Variants in DTD1 observed in about 807,000 individuals in gnomAD.
DTD1 encodes the protein D-tyrosyl-tRNA deacylase 1 homolog.
DTD1 carries 13 observed loss-of-function variants against 25.6 expected under a neutral mutation model. The observed-to-expected ratio is 0.51, with a 90% CI of 0.33 to 0.81. The LOEUF is 0.81. Ranked by LOEUF, DTD1 falls within the 30% of genes least tolerant of loss-of-function variation. The pLI, the probability that DTD1 is intolerant of heterozygous loss-of-function variation, is 0.02. For missense variants in DTD1, 193 were observed against 266.4 expected, an observed-to-expected ratio of 0.72 and a Z score of 1.92; for synonymous variants, 110 against 103.6, an observed-to-expected ratio of 1.06 and a Z score of -0.37.
intron 4 of DTD1, among the ~76,000 whole-genome samples, chr20:18,682,464 C>T (rs1462780260): frequency 6.6e-6 from 1 of 152,186 alleles, no homozygotes; most frequent in African/African-American, 2.4e-5. Flanking sequence ...GTATGCAAAA[C>T]CCAGTCCAGA....
chr20:18,720,505 T>C (rs1314981446), intron 4 of DTD1, among the ~76,000 whole-genome samples: 1 of 152,210 alleles, frequency 6.6e-6, no homozygotes, highest in Non-Finnish European at 1.5e-5. Flanking sequence ...GCATCTCTGT[T>C]GCATTTGTAG....
rs146206169 is a variant in DTD1 at position 18,738,198 on chromosome 20, T to C, written c.478-5902T>C. ...TTAATAGATTAAGCAAGAGAGGTCATGTGGCTCCCTGGGAAGAATGCGGGG... is the reference window on the plus strand; with the variant it reads ...TTAATAGATTAAGCAAGAGAGGTCACGTGGCTCCCTGGGAAGAATGCGGGG... On this transcript the variant is annotated intron_variant, in intron 4 of 5. Coordinates refer to ENST00000377452, the MANE Select transcript of DTD1 (RefSeq NM_080820.6). Among the ~76,000 whole-genome samples, 697 of 152,324 alleles carry C rather than the reference T, an allele frequency of 4.6e-3. 5 individuals carry two copies. The highest frequency in any genetic ancestry group is 0.016 in the African/African-American group (672 of 41,582).
intron 3 of DTD1, chr20:18,619,918 G>A (rs946902904): frequency 1.3e-5 from 2 of 151,830 alleles, no homozygotes; most frequent in African/African-American, 4.8e-5. Flanking sequence ...TTATCTTCTA[G>A]TAAATTCTTG....
intron 5 of DTD1, among the ~76,000 whole-genome samples, chr20:18,752,543 T>G (rs1324306199): frequency 6.6e-6 from 1 of 152,202 alleles, no homozygotes; most frequent in Non-Finnish European, 1.5e-5. Context: ...GTTTCTTTCT[T>G]GGAGTTTCCG....
chr20:18,748,416 C>T (rs1321172156), intron 5 of DTD1, among the ~76,000 whole-genome samples: 8 of 152,112 alleles, frequency 5.3e-5, no homozygotes, highest in African/African-American at 1.9e-4. Context: ...AAAATTCATG[C>T]AAAACATAAC....
At chr20:18,638,207 CCATCCATCTATCCATCCACT>C (rs1405468584) in intron 4 of DTD1, among the ~76,000 whole-genome samples, 4 of 146,094 alleles carry the variant, frequency 2.7e-5, no homozygotes, top group African/African-American at 7.6e-5. Context: ...ATCCATCCAT[CCATCCATCTATCCATCCACT>C]CACCTGTCCA....
chr20:18,703,690 C>A (rs986410902), intron 4 of DTD1, among the ~76,000 whole-genome samples: 2 of 150,806 alleles, frequency 1.3e-5, no homozygotes, highest in Non-Finnish European at 2.9e-5. Flanking sequence ...TCCATGAACT[C>A]ATTTTTTATC....
At chr20:18,589,354 AAAC>A (rs1293441078) in intron 1 of DTD1, among the ~76,000 whole-genome samples, 1 of 148,326 alleles carries the variant, frequency 6.7e-6, no homozygotes, top group Non-Finnish European at 1.5e-5. Flanking sequence ...CTGTCTCAAA[AAAC>A]AACAAACAAA....
chr20:18,632,753 T>C (rs1326869410), intron 4 of DTD1: 1 of 751,420 alleles, frequency 1.3e-6, no homozygotes, highest in East Asian at 1.3e-4. Context: ...CTTTAAACTA[T>C]CTGAACAAAT....
chr20:18,707,892 A>G (rs1482598631), intron 4 of DTD1, among the ~76,000 whole-genome samples: 2 of 151,830 alleles, frequency 1.3e-5, no homozygotes, highest in Non-Finnish European at 2.9e-5. Flanking sequence ...CAGGCCTCCC[A>G]GGATCAAGGT....
intron 4 of DTD1, among the ~76,000 whole-genome samples, chr20:18,649,375 G>A: frequency 1.0e-5 from 1 of 100,260 alleles, no homozygotes; most frequent in South Asian, 3.5e-4. Context: ...GTCTTGCTCT[G>A]TCGCCCAGGA....
intron 4 of DTD1, among the ~76,000 whole-genome samples, chr20:18,708,346 T>A (rs1246783520): frequency 1.3e-5 from 1 of 75,414 alleles, no homozygotes; most frequent in Non-Finnish European, 2.6e-5. Context: ...TATATATATA[T>A]TATATATCTA....
intron 4 of DTD1, among the ~76,000 whole-genome samples, chr20:18,648,506 C>T (rs2060858707): frequency 1.3e-5 from 2 of 152,084 alleles, no homozygotes; most frequent in Admixed American, 1.3e-4. Flanking sequence ...TGAATTAGAG[C>T]ATTTTCAGGT....
intron 5 of DTD1, among the ~76,000 whole-genome samples, chr20:18,747,889 C>T (rs1315713023): frequency 6.6e-6 from 1 of 151,286 alleles, no homozygotes; most frequent in African/African-American, 2.4e-5. Flanking sequence ...CATGGTGATG[C>T]GCACCTGTAG....
intron 5 of DTD1, among the ~76,000 whole-genome samples, chr20:18,745,473 G>A (rs2061296338): frequency 6.6e-6 from 1 of 152,234 alleles, no homozygotes; most frequent in African/African-American, 2.4e-5. Context: ...ACAGCACGGT[G>A]CGTGTGGCAG....
At chr20:18,589,921 T>C (rs1342127825) in intron 1 of DTD1, among the ~76,000 whole-genome samples, 1 of 151,980 alleles carries the variant, frequency 6.6e-6, no homozygotes, top group Non-Finnish European at 1.5e-5. Flanking sequence ...TGGGGAACTG[T>C]GGAATTCTGT....
rs562532241 is a variant in DTD1 at position 18,714,080 on chromosome 20, G to T, written c.478-30020G>T. Among the ~76,000 whole-genome samples, 195 of 152,344 alleles carry T rather than the reference G, an allele frequency of 1.3e-3. 1 individual carries two copies. The highest frequency in any genetic ancestry group is 4.6e-3 in the African/African-American group (191 of 41,578). ...CACCATCTGTCAGATGGGGGTGACT[G>T]TGAGGCCTACCCACCCTTCCTCATC... On this transcript the variant is annotated intron_variant, in intron 4 of 5. Transcript: ENST00000377452.
rs201672226 is a variant in DTD1, at chr20:18,716,651, A to G, written c.478-27449A>G. Among the ~76,000 whole-genome samples the G allele has an allele frequency of 2.8e-4, 42 of 152,324 alleles. No homozygotes were observed. The East Asian group carries it at 5.2e-3, about 19-fold the overall frequency. On this transcript the variant is annotated intron_variant, in intron 4 of 5. Transcript: ENST00000377452. ...CCAGCCTGTGGTGTTGTAAATTTCA[A>G]TTTAGGTAAAAGAGTACACTTGACT...
At chr20:18,679,958 T>G (rs990496805) in intron 4 of DTD1, among the ~76,000 whole-genome samples, 1 of 152,196 alleles carries the variant, frequency 6.6e-6, no homozygotes, top group Admixed American at 6.5e-5. Flanking sequence ...GGGTCTCCAT[T>G]AGGCCCTCAG....
Sources: allele counts gnomAD v4.1 joint callset (sites outside exome capture counted in the v4.1 genomes callset), GRCh38; gene constraint gnomAD v4.1.1; transcripts MANE v1.5; gene names NCBI Gene and HGNC (gene_info 2026-07-23, HGNC 2026-07-21).